The following OXR1 variants were observed in gnomAD, a reference collection of about 807,000 sequenced individuals.
OXR1 encodes the protein oxidation resistance protein 1.
In OXR1, 41 loss-of-function variants were observed where a neutral mutation model predicts 104.6. The observed-to-expected ratio is 0.39, with a 90% CI of 0.31 to 0.51. The LOEUF is 0.51. Among genes scored for constraint, OXR1 ranks in the 20% least tolerant of loss-of-function variants. The probability of loss-of-function intolerance (pLI) is 0.77; values close to 1 mark genes in which losing one functional copy is unlikely to be tolerated. For missense variants in OXR1, 955 were observed against 1,031.9 expected (o/e 0.93, Z 1.02); for synonymous variants, 348 against 348.4 (o/e 1.00, Z 0.01).
intron 2 of OXR1, among the ~76,000 whole-genome samples, chr8:106,472,058 G>T (rs1373101284): frequency 6.6e-6 from 1 of 151,706 alleles, no homozygotes; most frequent in Non-Finnish European, 1.5e-5. Context: ...GGATCAGTTT[G>T]TTGTTATGTC....
At chr8:106,300,423 G>A (rs1813181914) in intron 1 of OXR1, among the ~76,000 whole-genome samples, 1 of 151,908 alleles carries the variant, frequency 6.6e-6, no homozygotes, top group African/African-American at 2.4e-5. Context: ...TAGCTCCAAT[G>A]AGTGGCCTAA....
At chr8:106,279,182 G>T (rs536219358) in intron 1 of OXR1, among the ~76,000 whole-genome samples, 58 of 152,106 alleles carry the variant, frequency 3.8e-4, no homozygotes, top group Non-Finnish European at 8.8e-5. Flanking sequence ...CAGTTACATT[G>T]GTGGGTGTAT....
At chr8:106,421,367 C>A (rs1382530816) in intron 2 of OXR1, among the ~76,000 whole-genome samples, 1 of 152,172 alleles carries the variant, frequency 6.6e-6, no homozygotes, top group Non-Finnish European at 1.5e-5. Context: ...ATGCATCAAA[C>A]TGCCCTAGAA....
chr8:106,500,417 T>A (rs940815378), intron 2 of OXR1, among the ~76,000 whole-genome samples: 3 of 152,212 alleles, frequency 2.0e-5, no homozygotes, highest in Non-Finnish European at 4.4e-5. Context: ...CTCCCTGCCC[T>A]GTTCTGTTTC....
At chr8:106,388,353 A>C (rs1398266116) in intron 2 of OXR1, among the ~76,000 whole-genome samples, 1 of 152,138 alleles carries the variant, frequency 6.6e-6, no homozygotes, top group Non-Finnish European at 1.5e-5. Flanking sequence ...AAAGACCTGC[A>C]GCCCTTGCCT....
At chr8:106,695,565 A>G (rs1049098727) in intron 7 of OXR1, among the ~76,000 whole-genome samples, 4 of 151,736 alleles carry the variant, frequency 2.6e-5, no homozygotes, top group Non-Finnish European at 5.9e-5. Flanking sequence ...CTACAGGCAC[A>G]TGCCACCACG....
At chr8:106,544,871 C>A (rs1815231981) in intron 3 of OXR1, among the ~76,000 whole-genome samples, 1 of 151,986 alleles carries the variant, frequency 6.6e-6, no homozygotes, top group African/African-American at 2.4e-5. Context: ...ATTTCGCCAT[C>A]CGGATTTGGA....
intron 2 of OXR1, among the ~76,000 whole-genome samples, chr8:106,446,187 T>C (rs1586651388): frequency 6.6e-6 from 1 of 152,206 alleles, no homozygotes; most frequent in Non-Finnish European, 1.5e-5. Context: ...ATGTGGTTCA[T>C]TAACAAATAA....
chr8:106,469,066 T>C (rs1821346199), intron 2 of OXR1, among the ~76,000 whole-genome samples: 2 of 151,778 alleles, frequency 1.3e-5, no homozygotes, highest in South Asian at 4.1e-4. Flanking sequence ...TATAGCTATC[T>C]TCTAATAATT....
At position 106,303,125 on chromosome 8, in the gene OXR1, G is replaced by C. The variant is rs534768788; in HGVS notation, c.-139+32758G>C. 4.0e-5 allele frequency among the ~76,000 whole-genome samples: 6 copies of C among 150,826 alleles called. No homozygotes were observed. In the South Asian group the frequency reaches 1.3e-3, roughly 32 times the overall value. ...CTGAATAAGTTAGCCTAATATTTCAGTTTTTCTATATAGATTGGCTGAATT... is the reference window on the plus strand; with the variant it reads ...CTGAATAAGTTAGCCTAATATTTCACTTTTTCTATATAGATTGGCTGAATT... On this transcript the variant is annotated intron_variant, in intron 1 of 16. Transcript: ENST00000517566.
intron 3 of OXR1, among the ~76,000 whole-genome samples, chr8:106,534,460 A>G (rs964836030): frequency 2.0e-5 from 3 of 152,380 alleles, no homozygotes; most frequent in Non-Finnish European, 2.9e-5. Flanking sequence ...TTTTTATACT[A>G]TAAAAGAAAT....
intron 1 of OXR1, among the ~76,000 whole-genome samples, chr8:106,304,569 T>G (rs1195565055): frequency 6.6e-6 from 1 of 152,154 alleles, no homozygotes; most frequent in Non-Finnish European, 1.5e-5. Context: ...AAATTATTTG[T>G]AACAATACAT....
chr8:106,597,349 G>T (rs938528613), intron 3 of OXR1, among the ~76,000 whole-genome samples: 1 of 152,070 alleles, frequency 6.6e-6, no homozygotes, highest in African/African-American at 2.4e-5. Context: ...GAGAAAGCAG[G>T]CTCCTTCCAG....
intron 2 of OXR1, among the ~76,000 whole-genome samples, chr8:106,480,607 A>G (rs1822054550): frequency 6.6e-6 from 1 of 151,936 alleles, no homozygotes; most frequent in Admixed American, 6.6e-5. Flanking sequence ...AGATAATGCT[A>G]CACAATAAGG....
intron 3 of OXR1, among the ~76,000 whole-genome samples, chr8:106,575,887 C>A (rs1468786989): frequency 6.6e-6 from 1 of 151,408 alleles, no homozygotes; most frequent in African/African-American, 2.4e-5. Flanking sequence ...AAATACGTGG[C>A]AGATTAAAAA....
chr8:106,743,779 A>T (rs1215441314), intron 15 of OXR1, among the ~76,000 whole-genome samples: 2 of 152,238 alleles, frequency 1.3e-5, no homozygotes, highest in Non-Finnish European at 2.9e-5. Context: ...AAGTCCTCCT[A>T]ATATAAAGAT....
intron 2 of OXR1, among the ~76,000 whole-genome samples, chr8:106,387,390 C>T (rs1469957302): frequency 2.0e-5 from 3 of 152,204 alleles, no homozygotes; most frequent in Non-Finnish European, 4.4e-5. Flanking sequence ...AACTCTCTCT[C>T]TCTCCATCTA....
intron 3 of OXR1, among the ~76,000 whole-genome samples, chr8:106,627,853 A>T (rs1196846421): frequency 1.3e-5 from 2 of 152,172 alleles, no homozygotes; most frequent in Middle Eastern, 3.2e-3. Flanking sequence ...GAATAAGTGG[A>T]GATTGAGGGC....
chr8:106,443,016 C>A (rs1245156987), intron 2 of OXR1, among the ~76,000 whole-genome samples: 1 of 151,984 alleles, frequency 6.6e-6, no homozygotes, highest in Non-Finnish European at 1.5e-5. Context: ...GATCTGAGAT[C>A]ATTTTAGCTT....
Sources: allele counts gnomAD v4.1 joint callset (sites outside exome capture counted in the v4.1 genomes callset), GRCh38; gene constraint gnomAD v4.1.1; transcripts MANE v1.5; gene names NCBI Gene and HGNC (gene_info 2026-07-23, HGNC 2026-07-21).